CHL1: variants seen among roughly 807,000 people sequenced by gnomAD.
CHL1 encodes cell adhesion molecule L1 like.
A neutral mutation model predicts 141.9 loss-of-function variants in CHL1; 96 were observed. That is an observed-to-expected ratio of 0.68 (90% CI 0.57 to 0.80). The LOEUF (loss-of-function observed/expected upper bound fraction) is 0.80, where lower values mean the gene tolerates loss of function less well. CHL1 is among the 30% of genes least tolerant of loss of function. The probability of loss-of-function intolerance (pLI) is 0.00; values close to 1 mark genes in which losing one functional copy is unlikely to be tolerated. For missense variants in CHL1, 1,820 were observed against 1,457.2 expected, an observed-to-expected ratio of 1.25 and a Z score of -4.05; for synonymous variants, 613 against 502.2, an observed-to-expected ratio of 1.22 and a Z score of -2.95.
chr3:248,229 G>T (rs1279096637), intron 2 of CHL1: 1 of 151,994 alleles, frequency 6.6e-6, no homozygotes, highest in Non-Finnish European at 1.5e-5. Flanking sequence ...CTCAAATCAA[G>T]TACACAAATA....
chr3:250,705 G>A (rs1299916232), intron 2 of CHL1, among the ~76,000 whole-genome samples: 1 of 152,032 alleles, frequency 6.6e-6, no homozygotes, highest in African/African-American at 2.4e-5. Context: ...ATATTTTGGG[G>A]TGTCATATTC....
rs754758105 is a variant in CHL1, at chr3:406,135, A to G, written c.*424A>G. ...TGGTGACTTTGCTTCACTACAGGTT[A>G]AAAGACCATAAGCAAACTGGTTATT... On this transcript the variant is annotated 3_prime_UTR_variant, in exon 28 of 28. Transcript: ENST00000256509. 6.4e-6 allele frequency: 1 copy of G among 156,122 alleles called. No individual in the cohort carries two copies. Among genetic ancestry groups the G allele is most frequent in the African/African-American group, 2.4e-5 (1 of 41,498 alleles). 9.7% of individuals were successfully genotyped at this position (156,122 alleles called of 1,614,324 possible). A position where few individuals can be genotyped will look rare whatever the true frequency, so the allele number is the denominator to read the frequency against.
chr3:292,381 T>C (rs927629596), intron 2 of CHL1, among the ~76,000 whole-genome samples: 3 of 152,218 alleles, frequency 2.0e-5, no homozygotes, highest in Non-Finnish European at 4.4e-5. Flanking sequence ...CCTTTTAGTA[T>C]TTTTACTTAT....
At chr3:197,178 G>C (rs1485460185) in intron 1 of CHL1, 115 bp downstream of exon 1, 1 of 152,370 alleles carries the variant, frequency 6.6e-6, no homozygotes. Flanking sequence ...GAAAGGAAGC[G>C]GGGCGCGGTC....
chr3:371,480 A>G lies in CHL1; in HGVS notation c.1751+5365A>G, dbSNP rs75772860. 9.2e-3 allele frequency among the ~76,000 whole-genome samples: 1,398 copies of G among 151,964 alleles called. 24 individuals are homozygous for G. Among genetic ancestry groups the G allele is most frequent in the Non-Finnish European group, 7.9e-3 (539 of 67,970 alleles). ...TTGGTAAATTTTCCTCCATCCCTTT[A>G]TTTTGAATCTATGTGTGTCTTTGCA... On this transcript the variant is annotated intron_variant, in intron 15 of 27. Transcript: ENST00000256509.
chr3:237,067 A>T (rs933563046), intron 1 of CHL1, among the ~76,000 whole-genome samples: 1 of 152,122 alleles, frequency 6.6e-6, no homozygotes, highest in Non-Finnish European at 1.5e-5. Context: ...ATATCTCTCT[A>T]TTACGCTGTT....
At chr3:280,384 A>C (rs978425215) in intron 2 of CHL1, among the ~76,000 whole-genome samples, 4 of 152,306 alleles carry the variant, frequency 2.6e-5, no homozygotes, top group East Asian at 3.9e-4. Context: ...TAGAAAAGAG[A>C]ATCTGTGGCA....
intron 24 of CHL1, among the ~76,000 whole-genome samples, chr3:397,883 G>T (rs1293287151): frequency 6.6e-6 from 1 of 151,960 alleles, no homozygotes; most frequent in African/African-American, 2.4e-5. Flanking sequence ...AAGTCAAAAG[G>T]CCATATTCAG....
intron 16 of CHL1, among the ~76,000 whole-genome samples, chr3:379,533 T>C (rs1265291106): frequency 6.6e-6 from 1 of 152,118 alleles, no homozygotes; most frequent in Non-Finnish European, 1.5e-5. Flanking sequence ...AGTGTCAGGC[T>C]CCGTGCGCTT....
chr3:407,322 G>A lies in CHL1; in HGVS notation c.*1611G>A, dbSNP rs966710909. ...TAGTTCATGGAGACCAAAATTTGGG[G>A]TATTTATAATAGTCAGCGCAGGAAT... On this transcript the variant is annotated 3_prime_UTR_variant, in exon 28 of 28. Transcript: ENST00000256509. 2 of 152,068 alleles carry A rather than the reference G, an allele frequency of 1.3e-5. No individual in the cohort carries two copies. Among genetic ancestry groups the A allele is most frequent in the African/African-American group, 4.8e-5 (2 of 41,414 alleles). 9.4% of individuals were successfully genotyped at this position (152,068 alleles called of 1,614,324 possible). A position where few individuals can be genotyped will look rare whatever the true frequency, so the allele number is the denominator to read the frequency against.
At chr3:227,367 C>T (rs1434023770) in intron 1 of CHL1, among the ~76,000 whole-genome samples, 3 of 152,150 alleles carry the variant, frequency 2.0e-5, no homozygotes, top group Non-Finnish European at 4.4e-5. Flanking sequence ...GATGCCAGTT[C>T]CTAGTACTGG....
At chr3:281,559 C>CTT (rs71619446) in intron 2 of CHL1, among the ~76,000 whole-genome samples, 2 of 135,316 alleles carry the variant, frequency 1.5e-5, no homozygotes, top group East Asian at 2.1e-4. Flanking sequence ...CAATTTGTAC[C>CTT]TTTTTTTTTT....
intron 25 of CHL1, 123 bp from the exon 26 acceptor site, chr3:398,894 G>A: frequency 1.3e-6 from 1 of 791,342 alleles, no homozygotes. Context: ...ATTCCTTCTG[G>A]GGTCATTAAA....
intron 12 of CHL1, among the ~76,000 whole-genome samples, chr3:360,943 A>G (rs1381778841): frequency 6.6e-6 from 1 of 151,684 alleles, no homozygotes; most frequent in Non-Finnish European, 1.5e-5. Context: ...ATGGCTGCAT[A>G]GTATTCCATG....
intron 2 of CHL1, among the ~76,000 whole-genome samples, chr3:283,270 C>G (rs1180892671): frequency 6.6e-6 from 1 of 152,210 alleles, no homozygotes; most frequent in African/African-American, 2.4e-5. Flanking sequence ...CAGTCTTCCC[C>G]TAATGTTTGC....
intron 2 of CHL1, among the ~76,000 whole-genome samples, chr3:289,458 C>A (rs1465939882): frequency 2.0e-5 from 3 of 152,098 alleles, no homozygotes; most frequent in Non-Finnish European, 4.4e-5. Context: ...ATTATAGAAT[C>A]TAGCTAAAAT....
intron 2 of CHL1, among the ~76,000 whole-genome samples, chr3:269,939 A>G (rs889929192): frequency 2.6e-5 from 4 of 152,142 alleles, no homozygotes; most frequent in Non-Finnish European, 5.9e-5. Flanking sequence ...GATCTCCAGG[A>G]AGCTGGAGGA....
rs1161218739 is a variant in CHL1 at position 245,170 on chromosome 3, G to A, written c.-95+478G>A. ...GTCACTGTTCCTTGAATTTGAATCC[G>A]TTTGAAATCTGACCTGAATCCTTGA... On this transcript the variant is annotated intron_variant, in intron 2 of 27. Coordinates refer to ENST00000256509, the MANE Select transcript of CHL1 (RefSeq NM_006614.4). Among the ~76,000 whole-genome samples the A allele has an allele frequency of 3.9e-5, 6 of 152,212 alleles. No homozygotes were observed. In the East Asian group the frequency reaches 7.7e-4, roughly 20 times the overall value.
At chr3:265,154 A>C (rs1160337757) in intron 2 of CHL1, among the ~76,000 whole-genome samples, 1 of 152,178 alleles carries the variant, frequency 6.6e-6, no homozygotes, top group Non-Finnish European at 1.5e-5. Flanking sequence ...ACGGGTAGCT[A>C]AGAGAGAGGG....
Sources: gnomAD v4.1 joint callset for allele counts (sites outside exome capture counted in the v4.1 genomes callset) on GRCh38, gnomAD v4.1.1 for gene constraint, MANE v1.5 for transcripts, NCBI Gene and HGNC (gene_info 2026-07-23, HGNC 2026-07-21) for gene names.